TRPM3: variants seen among roughly 807,000 people sequenced by gnomAD.
TRPM3 encodes transient receptor potential cation channel subfamily M member 3.
Under a neutral mutation model 181.2 loss-of-function variants are expected in TRPM3, and 77 were observed. The observed-to-expected ratio is 0.42, with a 90% confidence interval of 0.35 to 0.51. TRPM3 has a LOEUF of 0.51. TRPM3 is among the 20% of genes least tolerant of loss of function. The probability of loss-of-function intolerance (pLI) is 0.01; values close to 1 mark genes in which losing one functional copy is unlikely to be tolerated. For synonymous variants in TRPM3, 745 were observed against 796.4 expected (o/e 0.94, Z 1.09); for missense variants, 1,759 against 2,196.7 (o/e 0.80, Z 3.98).
chr9:71,269,391 A>C (rs2083622255), intron 1 of TRPM3, among the ~76,000 whole-genome samples: 1 of 152,124 alleles, frequency 6.6e-6, no homozygotes, highest in African/African-American at 2.4e-5. Context: ...TGTCTGGTTT[A>C]AGAGAAAAAC....
intron 1 of TRPM3, among the ~76,000 whole-genome samples, chr9:71,374,909 A>G (rs2092626337): frequency 6.6e-6 from 1 of 152,204 alleles, no homozygotes; most frequent in Admixed American, 6.5e-5. Flanking sequence ...GACCTCTTCA[A>G]GAACTCCAAA....
chr9:70,977,127 G>A (rs2097311389), intron 1 of TRPM3, among the ~76,000 whole-genome samples: 1 of 151,996 alleles, frequency 6.6e-6, no homozygotes, highest in African/African-American at 2.4e-5. Flanking sequence ...AGTCTGAACT[G>A]TTTTTATTTA....
chr9:70,597,406 T>C (rs922017551), intron 21 of TRPM3, among the ~76,000 whole-genome samples: 11 of 152,212 alleles, frequency 7.2e-5, no homozygotes, highest in African/African-American at 2.7e-4. Flanking sequence ...GTGTTCGTCA[T>C]GGTAGGACAG....
chr9:71,155,227 T>A (rs2075928536), intron 1 of TRPM3, among the ~76,000 whole-genome samples: 1 of 152,150 alleles, frequency 6.6e-6, no homozygotes, highest in Non-Finnish European at 1.5e-5. Context: ...CTTAAACAAA[T>A]AAACTGAACA....
intron 1 of TRPM3, among the ~76,000 whole-genome samples, chr9:71,347,790 T>C (rs915926728): frequency 1.3e-5 from 2 of 152,026 alleles, no homozygotes; most frequent in African/African-American, 4.8e-5. Context: ...AAAATAATAC[T>C]AAAATAATTT....
intron 1 of TRPM3, among the ~76,000 whole-genome samples, chr9:71,317,640 C>CA (rs58631084): frequency 0.015 from 1,926 of 126,246 alleles, 41 homozygotes; most frequent in African/African-American, 0.046. Context: ...GACCCTCTCT[C>CA]AAAAAAAAAA....
At chr9:71,331,636 A>G (rs1445585470) in intron 1 of TRPM3, among the ~76,000 whole-genome samples, 1 of 148,496 alleles carries the variant, frequency 6.7e-6, no homozygotes, top group Non-Finnish European at 1.5e-5. Context: ...AGGAGAAGAA[A>G]AAGGAGGAGG....
At chr9:70,585,789 A>T (rs1045221290) in intron 22 of TRPM3, among the ~76,000 whole-genome samples, 1 of 151,214 alleles carries the variant, frequency 6.6e-6, no homozygotes, top group Non-Finnish European at 1.5e-5. Flanking sequence ...TCCCACCTCT[A>T]CCCCTCTTAT....
rs72198070 is a variant in TRPM3, at chr9:71,133,973, TTGTGTGTGTGTGTGTGTGTG to T, written c.184-269482_184-269463del. 6.7e-3 allele frequency among the ~76,000 whole-genome samples: 999 copies of T among 148,570 alleles called. 16 individuals carry two copies. The highest frequency in any genetic ancestry group is 0.023 in the African/African-American group (924 of 40,302). ...TGCCTACTATCTAAACTGTGTGTGT[TTGTGTGTGTGTGTGTGTGTG>T]TGTGTGTGTGTGTGTGTGTGTGCGC... On this transcript the variant is annotated intron_variant, in intron 1 of 24. Coordinates refer to the TRPM3 transcript ENST00000357533.
chr9:71,133,008 A>AT (rs1396117968), intron 1 of TRPM3, among the ~76,000 whole-genome samples: 1 of 152,124 alleles, frequency 6.6e-6, no homozygotes, highest in Admixed American at 6.5e-5. Flanking sequence ...TTAAGATACA[A>AT]TTTAGGATGA....
intron 22 of TRPM3, among the ~76,000 whole-genome samples, chr9:70,555,410 G>A (rs2047436941): frequency 6.6e-6 from 1 of 152,216 alleles, no homozygotes. Flanking sequence ...CCTGGTGGAA[G>A]GTTGCTCCTC....
At chr9:71,233,204 A>G (rs1482159388) in intron 1 of TRPM3, among the ~76,000 whole-genome samples, 1 of 152,216 alleles carries the variant, frequency 6.6e-6, no homozygotes, top group African/African-American at 2.4e-5. Flanking sequence ...GTCCTTTTCA[A>G]ATCAAATGAA....
chr9:71,229,876 G>C (rs1350740050), intron 1 of TRPM3, among the ~76,000 whole-genome samples: 1 of 151,946 alleles, frequency 6.6e-6, no homozygotes, highest in Non-Finnish European at 1.5e-5. Flanking sequence ...ACAGTTTGGA[G>C]GTTTCTCAAA....
intron 1 of TRPM3, among the ~76,000 whole-genome samples, chr9:71,059,011 ATTTTTTTTTTTTT>A (rs1162577364): frequency 5.1e-4 from 27 of 52,644 alleles, no homozygotes; most frequent in South Asian, 2.6e-3. Context: ...TTGTTTGTTC[ATTTTTTTTTTTTT>A]TTTTTTTTTT....
intron 17 of TRPM3, among the ~76,000 whole-genome samples, chr9:70,617,124 T>C (rs1383277957): frequency 6.6e-6 from 1 of 152,142 alleles, no homozygotes; most frequent in Non-Finnish European, 1.5e-5. Flanking sequence ...TCAGGGAAAA[T>C]GGCTGTGAAT....
intron 1 of TRPM3, among the ~76,000 whole-genome samples, chr9:70,942,694 T>G (rs1235756130): frequency 6.6e-6 from 1 of 152,196 alleles, no homozygotes; most frequent in Non-Finnish European, 1.5e-5. Context: ...CAGATTGGAT[T>G]GAATCCTGGC....
chr9:71,259,567 T>G (rs1052769441), intron 1 of TRPM3, among the ~76,000 whole-genome samples: 1 of 152,196 alleles, frequency 6.6e-6, no homozygotes, highest in Non-Finnish European at 1.5e-5. Context: ...TTCCCTGACT[T>G]TTTAATGATC....
intron 9 of TRPM3, among the ~76,000 whole-genome samples, chr9:70,649,013 G>T (rs1458361233): frequency 6.6e-6 from 1 of 152,060 alleles, no homozygotes; most frequent in Non-Finnish European, 1.5e-5. Flanking sequence ...AACCTAAGGA[G>T]CTTCTGCACA....
intron 8 of TRPM3, among the ~76,000 whole-genome samples, chr9:70,682,135 T>C (rs2065603839): frequency 6.6e-6 from 1 of 152,088 alleles, no homozygotes; most frequent in African/African-American, 2.4e-5. Flanking sequence ...TTTAGCAGCC[T>C]GAATAGACTA....
Sources: gnomAD v4.1 joint callset for allele counts (sites outside exome capture counted in the v4.1 genomes callset) on GRCh38, gnomAD v4.1.1 for gene constraint, MANE v1.5 for transcripts, NCBI Gene and HGNC (gene_info 2026-07-23, HGNC 2026-07-21) for gene names.